Variants in ERC2 observed in about 807,000 individuals in gnomAD.
ERC2 encodes the protein ELKS/RAB6-interacting/CAST family member 2, also known as ERC protein 2.
ERC2 carries 42 observed loss-of-function variants against 114.8 expected under a neutral mutation model. That is an observed-to-expected ratio of 0.37 (90% CI 0.29 to 0.47). ERC2 has a LOEUF of 0.47. Ranked by LOEUF, ERC2 falls within the 20% of genes least tolerant of loss-of-function variation. The pLI is 0.99. For synonymous variants in ERC2, 454 were observed against 425.5 expected (o/e 1.07, Z -0.82); for missense variants, 939 against 1,150.7 (o/e 0.82, Z 2.66).
intron 16 of ERC2, among the ~76,000 whole-genome samples, chr3:55,698,633 G>A (rs866003802): frequency 6.6e-6 from 1 of 152,144 alleles, no homozygotes; most frequent in Admixed American, 6.5e-5. Context: ...CGGGGGCAGG[G>A]GGAGGCAGGA....
At chr3:55,837,900 GA>G (rs936671930) in intron 14 of ERC2, among the ~76,000 whole-genome samples, 4 of 150,730 alleles carry the variant, frequency 2.7e-5, no homozygotes, top group Admixed American at 2.6e-4. Flanking sequence ...AAACTAAAGG[GA>G]AAAAAAGCTG....
intron 2 of ERC2, among the ~76,000 whole-genome samples, chr3:56,328,833 T>C (rs771495657): frequency 1.3e-5 from 2 of 152,120 alleles, no homozygotes; most frequent in African/African-American, 2.4e-5. Context: ...ACACCTGACA[T>C]TGAATTGAAA....
chr3:55,692,038 T>C (rs1469484824), intron 16 of ERC2, among the ~76,000 whole-genome samples: 1 of 152,198 alleles, frequency 6.6e-6, no homozygotes, highest in Non-Finnish European at 1.5e-5. Context: ...AAATTCTTTT[T>C]ATTCCTCCCT....
At chr3:56,099,604 C>T (rs568499086) in intron 6 of ERC2, among the ~76,000 whole-genome samples, 11 of 152,252 alleles carry the variant, frequency 7.2e-5, no homozygotes, top group African/African-American at 1.7e-4. Flanking sequence ...GGGAAGTACA[C>T]GGGATCTCCA....
At chr3:55,634,502 A>C (rs1185214268) in intron 17 of ERC2, among the ~76,000 whole-genome samples, 2 of 152,218 alleles carry the variant, frequency 1.3e-5, no homozygotes, top group Non-Finnish European at 2.9e-5. Flanking sequence ...TTCTAAAAAA[A>C]CGTAAAAGCC....
intron 7 of ERC2, among the ~76,000 whole-genome samples, chr3:56,035,167 G>T (rs1390931828): frequency 6.6e-6 from 1 of 151,820 alleles, no homozygotes; most frequent in African/African-American, 2.4e-5. Flanking sequence ...AAATACAAAG[G>T]ATTATAAAAG....
chr3:55,680,822 G>A (rs2062022009), intron 17 of ERC2, among the ~76,000 whole-genome samples: 2 of 152,176 alleles, frequency 1.3e-5, no homozygotes, highest in Admixed American at 1.3e-4. Flanking sequence ...CAACAGGGAG[G>A]GGGAGTATAA....
intron 3 of ERC2, among the ~76,000 whole-genome samples, chr3:56,209,669 T>TA (rs1310604387): frequency 2.0e-5 from 3 of 152,118 alleles, no homozygotes; most frequent in Admixed American, 2.0e-4. Context: ...CACAGGTAGG[T>TA]AAAACAAGGG....
intron 13 of ERC2, among the ~76,000 whole-genome samples, chr3:55,911,049 T>C (rs1053625086): frequency 6.6e-6 from 1 of 152,170 alleles, no homozygotes; most frequent in Admixed American, 6.5e-5. Context: ...CTGCGCTCTG[T>C]CCCTCTCTTT....
At chr3:56,303,615 T>C (rs527788662) in intron 2 of ERC2, among the ~76,000 whole-genome samples, 43 of 152,190 alleles carry the variant, frequency 2.8e-4, no homozygotes, top group Non-Finnish European at 4.6e-4. Context: ...AAGGGAAATC[T>C]CCAAGGGAGG....
At chr3:55,579,953 A>G (rs2057175859) in intron 17 of ERC2, among the ~76,000 whole-genome samples, 1 of 152,240 alleles carries the variant, frequency 6.6e-6, no homozygotes, top group Admixed American at 6.5e-5. Context: ...TTCCATGCTA[A>G]GCTGCAATGC....
intron 2 of ERC2, among the ~76,000 whole-genome samples, chr3:56,349,912 C>CAA (rs35271051): frequency 0.021 from 2,597 of 125,184 alleles, 97 homozygotes; most frequent in African/African-American, 0.073. Flanking sequence ...GACTCCGTCT[C>CAA]AAAAAAAAAA....
At chr3:55,742,724 C>T (rs544998464) in intron 14 of ERC2, among the ~76,000 whole-genome samples, 42 of 152,214 alleles carry the variant, frequency 2.8e-4, no homozygotes, top group African/African-American at 8.4e-4. Context: ...CAGATGGTGA[C>T]GAAAGATCCT....
chr3:55,799,148 T>G (rs2070768078), intron 14 of ERC2, among the ~76,000 whole-genome samples: 1 of 151,962 alleles, frequency 6.6e-6, no homozygotes, highest in South Asian at 2.1e-4. Context: ...TCACCAAAGC[T>G]GATCCAGCAA....
rs552828460 is a variant in ERC2 at position 56,454,802 on chromosome 3, C to T, written c.-141+13446G>A. On this transcript the variant is annotated intron_variant, in intron 1 of 17. Transcript: ENST00000288221. ...GGAGGCAGAGGTTGAGAGGTTGCAG[C>T]GAGCCAAGACTCTGTCACTGCACTC... Among the ~76,000 whole-genome samples the T allele has an allele frequency of 1.1e-3, 154 of 140,926 alleles. 2 individuals are homozygous for T. Among genetic ancestry groups the T allele is most frequent in the South Asian group, 2.5e-3 (11 of 4,412 alleles). 92.5% of individuals were successfully genotyped at this position (140,926 alleles called of 152,430 possible).
intron 15 of ERC2, among the ~76,000 whole-genome samples, chr3:55,712,091 G>A (rs1335632081): frequency 2.0e-5 from 3 of 152,160 alleles, no homozygotes; most frequent in African/African-American, 7.2e-5. Context: ...CATTCATTTA[G>A]TGTCTATTTC....
chr3:56,292,684 T>TG (rs2055173882), intron 3 of ERC2, among the ~76,000 whole-genome samples: 1 of 152,148 alleles, frequency 6.6e-6, no homozygotes, highest in Non-Finnish European at 1.5e-5. Flanking sequence ...AACACTAGCT[T>TG]CACCATTTGT....
intron 13 of ERC2, among the ~76,000 whole-genome samples, chr3:55,943,520 GC>G (rs1479866945): frequency 1.5e-5 from 2 of 137,706 alleles, no homozygotes; most frequent in Non-Finnish European, 3.2e-5. Flanking sequence ...GAACTCTCAA[GC>G]TTTTGGTACC....
chr3:55,782,820 C>A (rs2069166316), intron 14 of ERC2, among the ~76,000 whole-genome samples: 1 of 152,218 alleles, frequency 6.6e-6, no homozygotes, highest in African/African-American at 2.4e-5. Flanking sequence ...AAATCACCTT[C>A]CAGCTTGGAA....
Sources: gnomAD v4.1 joint callset for allele counts (sites outside exome capture counted in the v4.1 genomes callset) on GRCh38, gnomAD v4.1.1 for gene constraint, MANE v1.5 for transcripts, NCBI Gene and HGNC (gene_info 2026-07-23, HGNC 2026-07-21) for gene names.